USP32: variants seen among roughly 807,000 people sequenced by gnomAD.
USP32 encodes ubiquitin carboxyl-terminal hydrolase 32.
USP32 carries 59 observed loss-of-function variants against 204.8 expected under a neutral mutation model. That is an observed-to-expected ratio of 0.29 (90% CI 0.23 to 0.36). USP32 has a LOEUF of 0.36. Among genes scored for constraint, USP32 ranks in the 10% least tolerant of loss-of-function variants. The pLI is 1.00. For missense variants in USP32, 1,160 were observed against 1,946.4 expected (o/e 0.60, Z 7.60); for synonymous variants, 517 against 678.4 (o/e 0.76, Z 3.70).
intron 1 of USP32, among the ~76,000 whole-genome samples, chr17:60,409,542 T>A (rs528118178): frequency 6.6e-6 from 1 of 152,210 alleles, no homozygotes; most frequent in East Asian, 1.9e-4. Context: ...CAGTAAAAAA[T>A]TACCACAAGC....
chr17:60,291,453 T>C (rs1028241264), intron 4 of USP32, among the ~76,000 whole-genome samples: 1 of 151,982 alleles, frequency 6.6e-6, no homozygotes, highest in African/African-American at 2.4e-5. Flanking sequence ...AAGCACAAGA[T>C]AGAAAAAGCT....
At chr17:60,218,957 C>A (rs866344815) in intron 16 of USP32, among the ~76,000 whole-genome samples, 20 of 152,314 alleles carry the variant, frequency 1.3e-4, no homozygotes, top group Admixed American at 2.0e-4. Flanking sequence ...CAGAGCAAGT[C>A]TTGCCCGTCA....
At chr17:60,307,395 C>T (rs1410800639) in intron 2 of USP32, among the ~76,000 whole-genome samples, 1 of 152,114 alleles carries the variant, frequency 6.6e-6, no homozygotes, top group African/African-American at 2.4e-5. Flanking sequence ...GCCACCACAC[C>T]CAGCCAGAAT....
chr17:60,267,512 A>G (rs556898354), intron 7 of USP32, among the ~76,000 whole-genome samples: 2 of 152,106 alleles, frequency 1.3e-5, no homozygotes, highest in East Asian at 3.9e-4. Flanking sequence ...TTTTTGGCAA[A>G]AACAATTTTA....
At chr17:60,224,754 G>C (rs962853326) in intron 13 of USP32, among the ~76,000 whole-genome samples, 3 of 152,226 alleles carry the variant, frequency 2.0e-5, no homozygotes, top group Non-Finnish European at 4.4e-5. Flanking sequence ...TTGCACTACA[G>C]CCTGGGCAAC....
Position 60,271,384 on chromosome 17 carries a change from C to G in USP32, c.669G>C (p.Leu223Phe), listed in dbSNP as rs201155437. 25 of 1,613,914 alleles carry G rather than the reference C, an allele frequency of 1.5e-5. No homozygotes were observed. Among genetic ancestry groups the G allele is most frequent in the Non-Finnish European group, 1.9e-5 (22 of 1,179,976 alleles). ...GRFDLETFGPLVSPPIRPSLS... is the reference protein window; with the variant it reads ...GRFDLETFGPFVSPPIRPSLS... ...GAGATGGACGAATAGGTGGTGAAACCAATGGGCCAAATGTCTCTAAATCAA... is the reference window on the plus strand; with the variant it reads ...GAGATGGACGAATAGGTGGTGAAACGAATGGGCCAAATGTCTCTAAATCAA... The change falls in exon 6 of 34, where the codon TTG becomes TTC. Residue 223 changes from leucine (L) to phenylalanine (F), a missense_variant. Leu to Phe is a conservative substitution (Grantham distance 22). Around this residue, in one of 8 missense-constraint regions of USP32, gnomAD observed 536 missense variants for 680.9 expected, o/e 0.79. Coordinates refer to ENST00000300896, the MANE Select transcript of USP32 (RefSeq NM_032582.4).
At position 60,219,561 on chromosome 17, in the gene USP32, C is replaced by CTTTTTTTTTTT. The variant is rs751193414; in HGVS notation, c.1867+98_1867+108dup. 6 of 688,946 alleles carry CTTTTTTTTTTT rather than the reference C, an allele frequency of 8.7e-6. No individual in the cohort carries two copies. In the African/African-American group the frequency reaches 2.6e-4, roughly 29 times the overall value. The allele number at this position is 688,946 out of a possible 1,614,324, so 42.7% of individuals were successfully genotyped here. A position where few individuals can be genotyped will look rare whatever the true frequency, so the allele number is the denominator to read the frequency against. On this transcript the variant is annotated intron_variant, in intron 16 of 33. Coordinates refer to ENST00000300896, the MANE Select transcript of USP32 (RefSeq NM_032582.4). ...AGACTTCGAGCAACGTAGTTTTCACCTTTTTTTTTTTTTTTTTTTTTTTTT... is the reference window on the plus strand; with the variant it reads ...AGACTTCGAGCAACGTAGTTTTCACCTTTTTTTTTTTTTTTTTTTTTTTTTTTTTTTTTTTT...
In USP32 at chr17:60,322,463, A is replaced by C. The variant is rs190670781; in HGVS notation, c.187-20759T>G. Among the ~76,000 whole-genome samples, 227 of 152,340 alleles carry C rather than the reference A, an allele frequency of 1.5e-3. 2 individuals carry two copies. The Middle Eastern group carries it at 0.027, about 18-fold the overall frequency. ...TCTGTATTAGTAAATCTTCACAAAAATTTATTTATACAAAATTAATAACTT... is the reference window on the plus strand; with the variant it reads ...TCTGTATTAGTAAATCTTCACAAAACTTTATTTATACAAAATTAATAACTT... On this transcript the variant is annotated intron_variant, in intron 2 of 33. Transcript: ENST00000300896.
intron 30 of USP32, among the ~76,000 whole-genome samples, chr17:60,183,820 C>A (rs1189913162): frequency 6.6e-6 from 1 of 152,196 alleles, no homozygotes; most frequent in African/African-American, 2.4e-5. Context: ...ACATTGTACC[C>A]CTTGTGGCAG....
At chr17:60,327,371 C>A (rs1414019409) in intron 2 of USP32, among the ~76,000 whole-genome samples, 1 of 144,546 alleles carries the variant, frequency 6.9e-6, no homozygotes, top group Non-Finnish European at 1.5e-5. Flanking sequence ...TCCACGTCAC[C>A]GAAGCAGCCC....
intron 2 of USP32, among the ~76,000 whole-genome samples, chr17:60,317,070 C>T (rs569771009): frequency 1.3e-5 from 2 of 152,108 alleles, no homozygotes; most frequent in African/African-American, 4.8e-5. Context: ...TTAACAGGTA[C>T]AGTATTTCTG....
intron 1 of USP32, among the ~76,000 whole-genome samples, chr17:60,371,253 T>TAAAAAAAA (rs373242290): frequency 9.1e-5 from 6 of 66,260 alleles, no homozygotes; most frequent in African/African-American, 2.6e-4. Context: ...CTCTAAAAAT[T>TAAAAAAAA]AAAAAAAAAA....
chr17:60,261,781 G>T (rs2086459785), intron 9 of USP32, among the ~76,000 whole-genome samples: 1 of 152,136 alleles, frequency 6.6e-6, no homozygotes, highest in African/African-American at 2.4e-5. Context: ...AAATGCTCAA[G>T]ATGGTAAAAA....
intron 1 of USP32, among the ~76,000 whole-genome samples, chr17:60,400,971 A>G (rs749066080): frequency 5.0e-4 from 76 of 152,198 alleles, no homozygotes; most frequent in Admixed American, 7.9e-4. Context: ...CAGCCTGGCC[A>G]ACATAGCAAA....
chr17:60,323,417 T>C (rs909844740), intron 2 of USP32, among the ~76,000 whole-genome samples: 3 of 152,138 alleles, frequency 2.0e-5, no homozygotes, highest in Admixed American at 6.5e-5. Context: ...GTGAAATCTA[T>C]ATAGACAGAA....
At chr17:60,346,524 G>A (rs1041187095) in intron 1 of USP32, among the ~76,000 whole-genome samples, 1 of 152,014 alleles carries the variant, frequency 6.6e-6, no homozygotes. Flanking sequence ...ATAAACAGAT[G>A]ATATTAACAA....
chr17:60,314,207 T>C (rs558220100), intron 2 of USP32, among the ~76,000 whole-genome samples: 1 of 143,166 alleles, frequency 7.0e-6, no homozygotes, highest in African/African-American at 2.6e-5. Context: ...GTGGCATTGA[T>C]CTTGGCTCAC....
intron 2 of USP32, among the ~76,000 whole-genome samples, chr17:60,316,939 A>G (rs1262889430): frequency 3.3e-5 from 5 of 152,208 alleles, no homozygotes; most frequent in Admixed American, 1.3e-4. Context: ...GCCAGACACA[A>G]AATGGCAAAT....
chr17:60,357,207 C>CT (rs538310207), intron 1 of USP32, among the ~76,000 whole-genome samples: 52 of 152,324 alleles, frequency 3.4e-4, no homozygotes, highest in African/African-American at 1.2e-3. Context: ...TCCCAGAACT[C>CT]TGAGTGGTCC....
Sources: gnomAD v4.1 joint callset for allele counts (sites outside exome capture counted in the v4.1 genomes callset) on GRCh38, gnomAD v4.1.1 for gene constraint, gnomAD v4.1.1 regional missense constraint, MANE v1.5 for transcripts, NCBI Gene and HGNC (gene_info 2026-07-23, HGNC 2026-07-21) for gene names.